Variants in MCPH1 observed in about 807,000 individuals in gnomAD.
MCPH1 encodes the protein microcephalin 1, also known as microcephalin.
A neutral mutation model predicts 84.5 loss-of-function variants in MCPH1; 104 were observed. That is an observed-to-expected ratio of 1.23 (90% confidence interval 1.05 to 1.45). The LOEUF is 1.45. MCPH1 is among the 40% of genes most tolerant of loss of function. The pLI, the probability that MCPH1 is intolerant of heterozygous loss-of-function variation, is 0.00. For synonymous variants in MCPH1, 514 were observed against 366.8 expected (o/e 1.40, Z -4.58); for missense variants, 1,498 against 1,005.7 (o/e 1.49, Z -6.62).
At chr8:6,579,282 C>A (rs566338299) in intron 12 of MCPH1, among the ~76,000 whole-genome samples, 1 of 152,170 alleles carries the variant, frequency 6.6e-6, no homozygotes, top group Non-Finnish European at 1.5e-5. Flanking sequence ...TGCGTGAGTT[C>A]GCCCCCTTTC....
chr8:6,632,372 C>T (rs1476007657), intron 13 of MCPH1, among the ~76,000 whole-genome samples: 1 of 152,096 alleles, frequency 6.6e-6, no homozygotes, highest in Non-Finnish European at 1.5e-5. Context: ...TAAAGGCACC[C>T]TCCACAGATA....
intron 12 of MCPH1, among the ~76,000 whole-genome samples, chr8:6,566,777 C>T (rs1236217040): frequency 6.1e-5 from 7 of 114,962 alleles, no homozygotes; most frequent in South Asian, 2.9e-4. Flanking sequence ...GCATGACCAT[C>T]GACAGTGCTT....
chr8:6,524,972 G>A (rs948550785), intron 12 of MCPH1, among the ~76,000 whole-genome samples: 3 of 152,234 alleles, frequency 2.0e-5, no homozygotes, highest in Non-Finnish European at 2.9e-5. Context: ...GACCTCAGGT[G>A]CATGTCTGTC....
chr8:6,461,946 C>T (rs1431791502), intron 9 of MCPH1, among the ~76,000 whole-genome samples: 2 of 152,040 alleles, frequency 1.3e-5, no homozygotes, highest in South Asian at 2.1e-4. Flanking sequence ...TGATTATTAT[C>T]CTCAGGAACA....
At chr8:6,436,806 A>G (rs919159187) in intron 5 of MCPH1, among the ~76,000 whole-genome samples, 4 of 151,868 alleles carry the variant, frequency 2.6e-5, no homozygotes, top group African/African-American at 9.7e-5. Flanking sequence ...TGTCTCTACT[A>G]AAAATACAAA....
chr8:6,472,541 C>G (rs934597577), intron 9 of MCPH1, among the ~76,000 whole-genome samples: 4 of 152,182 alleles, frequency 2.6e-5, no homozygotes, highest in African/African-American at 9.7e-5. Context: ...TCTTAGCTCA[C>G]TGCAACCTCC....
intron 3 of MCPH1, among the ~76,000 whole-genome samples, chr8:6,430,454 G>T (rs1801681849): frequency 6.6e-6 from 1 of 152,170 alleles, no homozygotes; most frequent in Non-Finnish European, 1.5e-5. Flanking sequence ...CCCTCAGAAG[G>T]GGGTCAGGGA....
chr8:6,481,840 A>C (rs1809282690), intron 11 of MCPH1, among the ~76,000 whole-genome samples: 1 of 152,240 alleles, frequency 6.6e-6, no homozygotes. Flanking sequence ...TGGATGAAAG[A>C]CAGTAGTGCC....
At chr8:6,495,278 T>G (rs1175683018) in intron 11 of MCPH1, among the ~76,000 whole-genome samples, 1 of 152,172 alleles carries the variant, frequency 6.6e-6, no homozygotes, top group Non-Finnish European at 1.5e-5. Flanking sequence ...ACATGGGTGC[T>G]TTTTTAGTTA....
At chr8:6,497,661 C>T (rs1425000572) in intron 11 of MCPH1, among the ~76,000 whole-genome samples, 1 of 152,190 alleles carries the variant, frequency 6.6e-6, no homozygotes, top group Non-Finnish European at 1.5e-5. Context: ...TGACTGGGTA[C>T]AACACATGTA....
intron 11 of MCPH1, among the ~76,000 whole-genome samples, chr8:6,483,594 C>T (rs1385120120): frequency 6.6e-6 from 1 of 152,172 alleles, no homozygotes; most frequent in Non-Finnish European, 1.5e-5. Flanking sequence ...AGCAGTTGGA[C>T]ATACACAATC....
intron 3 of MCPH1, among the ~76,000 whole-genome samples, chr8:6,427,955 G>A (rs1434513815): frequency 2.0e-5 from 3 of 151,870 alleles, no homozygotes; most frequent in Non-Finnish European, 4.4e-5. Flanking sequence ...ACCACGCCCG[G>A]CTAATTTTTG....
rs780893595 is a variant in MCPH1, at chr8:6,513,646, T to C, written c.2214+13717T>C. 8.8e-6 allele frequency: 14 copies of C among 1,584,800 alleles called. 1 individual carries two copies. The South Asian group carries it at 1.4e-4, about 16-fold the overall frequency. On this transcript the variant is annotated intron_variant, in intron 12 of 13. Coordinates refer to ENST00000344683, the MANE Select transcript of MCPH1 (RefSeq NM_024596.5). ...CCGTGCCCGGCCACAAATCTTTTAA[T>C]TTTTTCTTTCAATTACCATGAACTC... is the stretch of plus-strand genomic sequence containing the variant.
At chr8:6,481,620 A>C (rs1022444914) in intron 11 of MCPH1, among the ~76,000 whole-genome samples, 1 of 152,228 alleles carries the variant, frequency 6.6e-6, no homozygotes, top group South Asian at 2.1e-4. Context: ...CATTTAAACC[A>C]GTAGAATTAT....
intron 12 of MCPH1, among the ~76,000 whole-genome samples, chr8:6,527,842 A>G (rs1381065296): frequency 1.3e-5 from 2 of 151,324 alleles, no homozygotes; most frequent in African/African-American, 2.4e-5. Flanking sequence ...AAAAGGCTCA[A>G]TGTCTTAGAT....
intron 12 of MCPH1, among the ~76,000 whole-genome samples, chr8:6,527,127 A>G (rs140261923): frequency 1.7e-3 from 255 of 152,340 alleles, no homozygotes; most frequent in African/African-American, 6.0e-3. Flanking sequence ...TGCCTGGGCC[A>G]GTGGTTCTTT....
At chr8:6,439,984 T>C (rs889754638) in intron 6 of MCPH1, among the ~76,000 whole-genome samples, 17 of 152,174 alleles carry the variant, frequency 1.1e-4, no homozygotes, top group African/African-American at 3.6e-4. Flanking sequence ...ACGGGTTTGG[T>C]TTCTGTGTGG....
At chr8:6,574,356 G>T (rs1826893624) in intron 12 of MCPH1, among the ~76,000 whole-genome samples, 1 of 151,872 alleles carries the variant, frequency 6.6e-6, no homozygotes. Flanking sequence ...TGTCTACACG[G>T]CCGTCTTTTT....
chr8:6,510,158 CT>C (rs11395431), intron 12 of MCPH1, among the ~76,000 whole-genome samples: 138 of 146,452 alleles, frequency 9.4e-4, no homozygotes, highest in Admixed American at 8.9e-4. Context: ...GTTGTTTTTT[CT>C]TTTTTTTTTT....
Sources: allele counts gnomAD v4.1 joint callset (sites outside exome capture counted in the v4.1 genomes callset), GRCh38; gene constraint gnomAD v4.1.1; transcripts MANE v1.5; gene names NCBI Gene and HGNC (gene_info 2026-07-23, HGNC 2026-07-21).